Variants in SYNE2 observed in about 807,000 individuals in gnomAD.
SYNE2 encodes the protein spectrin repeat containing nuclear envelope protein 2.
In SYNE2, 431 loss-of-function variants were observed where a neutral mutation model predicts 856.3. The ratio of observed to expected loss-of-function variants is 0.50; its 90% CI spans 0.47 to 0.55. The LOEUF is 0.55. SYNE2 is among the 20% of genes least tolerant of loss of function. SYNE2 has a pLI of 0.00. For synonymous variants in SYNE2, 2,923 were observed against 2,872.3 expected, an observed-to-expected ratio of 1.02 and a Z score of -0.56; for missense variants, 8,129 against 8,023.2, an observed-to-expected ratio of 1.01 and a Z score of -0.50.
chr14:64,016,448 A>T, intron 32 of SYNE2, 25 bp from the exon 33 acceptor site: 1 of 1,482,620 alleles, frequency 6.7e-7, no homozygotes, highest in Non-Finnish European at 9.3e-7. Context: ...AAATATCAGA[A>T]ATAACTTTCA....
At chr14:63,769,129 G>T (rs1886797201) in intron 1 of SYNE2, among the ~76,000 whole-genome samples, 1 of 152,130 alleles carries the variant, frequency 6.6e-6, no homozygotes, top group South Asian at 2.1e-4. Context: ...TTTTAAAAAA[G>T]ATTAGAATAA....
At chr14:64,138,500 C>T (rs1321037995) in intron 79 of SYNE2, among the ~76,000 whole-genome samples, 4 of 152,172 alleles carry the variant, frequency 2.6e-5, no homozygotes, top group Non-Finnish European at 5.9e-5. Flanking sequence ...TCCCAAAGTG[C>T]TGGGATTACA....
intron 90 of SYNE2, 45 bp from the exon 91 acceptor site, chr14:64,167,188 T>A (rs2098384804): frequency 5.6e-6 from 9 of 1,612,758 alleles, no homozygotes; most frequent in African/African-American, 1.3e-5. Context: ...CATCTAGATA[T>A]CTTATTGGCA....
Position 64,163,249 on chromosome 14 carries a change from A to C in SYNE2, c.16300-153A>C, listed in dbSNP as rs140526010. On this transcript the variant is annotated intron_variant, in intron 88 of 115. Coordinates refer to ENST00000555002, the MANE Select transcript of SYNE2 (RefSeq NM_182914.3). The stretch of plus-strand genomic sequence containing the variant: ...GATATACATCATTTCAAGAAAGCCC[A>C]GCCTTTTCAGCTATTTAAAATAAAT... 3.1e-4 allele frequency among the ~76,000 whole-genome samples: 47 copies of C among 152,358 alleles called. 2 individuals carry two copies. In the East Asian group the frequency reaches 8.9e-3, roughly 29 times the overall value.
In SYNE2 at chr14:64,052,186, C is replaced by T; in HGVS notation, c.8273C>T (p.Pro2758Leu). ...CTTAATCCCTCCATTCCCCTTCTCC[C>T]AGATGACATTCTTTCACAGATCAGA... is the stretch of plus-strand genomic sequence containing the variant. ...GELNPSIPLL[P>L]DDILSQIRKC... Residue 2758 changes from proline (P) to leucine (L), a missense_variant, in exon 48 of 116, where the codon CCA becomes CTA. Pro to Leu is a moderately conservative substitution (Grantham distance 98). Transcript: ENST00000555002. 1 of 1,614,148 alleles carries T rather than the reference C, an allele frequency of 6.2e-7. No homozygotes were observed. The highest frequency in any genetic ancestry group is 1.1e-5 in the South Asian group (1 of 91,082).
chr14:63,832,819 A>G (rs1889717205), intron 1 of SYNE2, among the ~76,000 whole-genome samples: 1 of 144,876 alleles, frequency 6.9e-6, no homozygotes, highest in Non-Finnish European at 1.5e-5. Context: ...GCTTGAACCC[A>G]GGAGTTCAAG....
At chr14:63,882,726 A>G (rs965015409) in intron 1 of SYNE2, among the ~76,000 whole-genome samples, 4 of 152,162 alleles carry the variant, frequency 2.6e-5, no homozygotes, top group African/African-American at 7.2e-5. Flanking sequence ...ACAAACAAAC[A>G]AAAACAAAAA....
At chr14:64,085,597 G>T (rs1209679313) in intron 57 of SYNE2, among the ~76,000 whole-genome samples, 4 of 152,186 alleles carry the variant, frequency 2.6e-5, no homozygotes, top group African/African-American at 9.7e-5. Flanking sequence ...CTGAGAAATT[G>T]TTTTCCAAAA....
chr14:64,146,255 G>A (rs374924168), intron 84 of SYNE2, 32 bp downstream of exon 84: 9 of 1,577,308 alleles, frequency 5.7e-6, no homozygotes, highest in South Asian at 3.6e-5. Flanking sequence ...CACCCAACCC[G>A]CGAGCTGGGG....
intron 66 of SYNE2, among the ~76,000 whole-genome samples, chr14:64,114,618 G>A (rs926934614): frequency 4.0e-5 from 6 of 151,282 alleles, no homozygotes; most frequent in Non-Finnish European, 8.8e-5. Context: ...GATCTCAAAA[G>A]TCAGTTCTTT....
intron 1 of SYNE2, among the ~76,000 whole-genome samples, chr14:63,840,437 TCCTTCCTTCCTTCCTCCCTC>T (rs1170622945): frequency 8.4e-4 from 92 of 109,102 alleles, no homozygotes; most frequent in African/African-American, 2.6e-3. Context: ...CTTCCTTCCT[TCCTTCCTTCCTTCCTCCCTC>T]CCTCCCTCCT....
chr14:63,800,278 C>CA (rs929667701), intron 1 of SYNE2, among the ~76,000 whole-genome samples: 71 of 151,894 alleles, frequency 4.7e-4, no homozygotes, highest in African/African-American at 1.7e-3. Flanking sequence ...GGCTGGAGTA[C>CA]AGTGGTGCTC....
intron 99 of SYNE2, among the ~76,000 whole-genome samples, chr14:64,196,365 T>C (rs2781379): frequency 0.47 from 71,184 of 152,070 alleles, 19,079 homozygotes; most frequent in African/African-American, 0.75. Flanking sequence ...TAAGGAGGAA[T>C]TTTCAGACAC....
intron 1 of SYNE2, among the ~76,000 whole-genome samples, chr14:63,800,620 G>A (rs573753331): frequency 6.6e-6 from 1 of 152,250 alleles, no homozygotes; most frequent in South Asian, 2.1e-4. Context: ...AAACTAGAAT[G>A]TTTTGTAGCC....
At chr14:63,913,675 T>C (rs1595599090) in intron 2 of SYNE2, among the ~76,000 whole-genome samples, 2 of 151,542 alleles carry the variant, frequency 1.3e-5, no homozygotes, top group Admixed American at 1.3e-4. Flanking sequence ...GTTGGCCAGG[T>C]TGGTCTCTAA....
chr14:63,960,021 A>G (rs1194162236), intron 8 of SYNE2, among the ~76,000 whole-genome samples: 2 of 152,214 alleles, frequency 1.3e-5, no homozygotes, highest in Non-Finnish European at 2.9e-5. Context: ...CAAATACCAT[A>G]GTCATATTTG....
At chr14:63,806,267 C>T (rs569715823) in intron 1 of SYNE2, among the ~76,000 whole-genome samples, 54 of 152,232 alleles carry the variant, frequency 3.5e-4, no homozygotes, top group Non-Finnish European at 6.8e-4. Flanking sequence ...GCTCTGTTTA[C>T]GTCACAAATT....
At chr14:64,008,191 C>A (rs1241999790) in intron 31 of SYNE2, among the ~76,000 whole-genome samples, 1 of 152,176 alleles carries the variant, frequency 6.6e-6, no homozygotes, top group Non-Finnish European at 1.5e-5. Context: ...CCTTTGACAC[C>A]TCTCCCTGCC....
At position 64,053,510 on chromosome 14, in the gene SYNE2, T is replaced by C; in HGVS notation, c.9597T>C (p.Val3199=). The change falls in exon 48 of 116, where the codon GTT becomes GTC. Residue 3199 remains valine, a synonymous_variant. Transcript: ENST00000555002. ...ATTGTGAAGCATTTCAGGAGCAAGT[T>C]TGGGCAGAAATGTGTAGTATTAAAG... ...KDNCEAFQEQ[V]WAEMCSIKAV... 6.2e-7 allele frequency: 1 copy of C among 1,614,210 alleles called. No individual in the cohort carries two copies. Among genetic ancestry groups the C allele is most frequent in the Non-Finnish European group, 8.5e-7 (1 of 1,180,026 alleles).
Sources: allele counts gnomAD v4.1 joint callset (sites outside exome capture counted in the v4.1 genomes callset), GRCh38; gene constraint gnomAD v4.1.1; transcripts MANE v1.5; gene names NCBI Gene and HGNC (gene_info 2026-07-23, HGNC 2026-07-21).